CACNA1C: variants seen among roughly 807,000 people sequenced by gnomAD.
CACNA1C encodes voltage-dependent L-type calcium channel subunit alpha-1C.
A neutral mutation model predicts 229.0 loss-of-function variants in CACNA1C; 30 were observed. The ratio of observed to expected loss-of-function variants is 0.13; its 90% CI spans 0.10 to 0.18. CACNA1C has a LOEUF of 0.18. CACNA1C is among the 10% of genes least tolerant of loss of function. The probability of loss-of-function intolerance (pLI) is 1.00; values close to 1 mark genes in which losing one functional copy is unlikely to be tolerated. For synonymous variants in CACNA1C, 1,114 were observed against 1,132.5 expected, an observed-to-expected ratio of 0.98 and a Z score of 0.33; for missense variants, 1,658 against 2,845.0, an observed-to-expected ratio of 0.58 and a Z score of 9.49.
chr12:2,050,278 C>T (rs1017407386), upstream of CACNA1C, among the ~76,000 whole-genome samples: 1 of 152,214 alleles, frequency 6.6e-6, no homozygotes, highest in African/African-American at 2.4e-5. Flanking sequence ...TAAGTCCAGG[C>T]TCCACATTTA....
rs536653686 is a variant in CACNA1C, at chr12:2,107,506, C to T, written c.50-7718C>T. 7.7e-3 allele frequency among the ~76,000 whole-genome samples: 1,158 copies of T among 151,338 alleles called. 9 individuals carry two copies. The highest frequency in any genetic ancestry group is 0.026 in the African/African-American group (1,076 of 41,052). On this transcript the variant is annotated intron_variant, in intron 1 of 46. Transcript: ENST00000399655. The stretch of plus-strand genomic sequence containing the variant: ...CCACCTCAGCTGGGCGTCCTGAAGC[C>T]ACTGGGTGCTCACCCTGGAGAGGGT...
upstream of CACNA1C, among the ~76,000 whole-genome samples, chr12:2,051,528 T>C (rs1039084645): frequency 6.6e-6 from 1 of 152,138 alleles, no homozygotes; most frequent in African/African-American, 2.4e-5. Context: ...ACCAGGGGGA[T>C]CAGCCACAGG....
At chr12:2,355,936 G>C (rs750058410) in intron 3 of CACNA1C, among the ~76,000 whole-genome samples, 1 of 152,184 alleles carries the variant, frequency 6.6e-6, no homozygotes, top group African/African-American at 2.4e-5. Flanking sequence ...AGCTCCCAGA[G>C]GGCAGGACAC....
chr12:2,128,808 G>C (rs554690046), intron 3 of CACNA1C, among the ~76,000 whole-genome samples: 19 of 152,318 alleles, frequency 1.2e-4, no homozygotes, highest in Non-Finnish European at 2.6e-4. Context: ...TGTCCTAAGT[G>C]CCTTGCGTAT....
intron 9 of CACNA1C, among the ~76,000 whole-genome samples, chr12:2,542,438 C>T (rs1239618826): frequency 6.6e-6 from 1 of 152,210 alleles, no homozygotes; most frequent in East Asian, 1.9e-4. Context: ...GGCTTGTGTG[C>T]TCTGACATTG....
Position 2,191,648 on chromosome 12 carries a change from GCA to G in CACNA1C, c.477+71226_477+71227del, listed in dbSNP as rs371651697. On this transcript the variant is annotated intron_variant, in intron 3 of 46. Coordinates refer to ENST00000399655, the MANE Select transcript of CACNA1C (RefSeq NM_000719.7). ...CACTCACAGGCACACATGTAAACAG[GCA>G]CACACACGCACATGTACTCATACAG... Among the ~76,000 whole-genome samples, 528 of 148,086 alleles carry G rather than the reference GCA, an allele frequency of 3.6e-3. 1 individual carries two copies. Among genetic ancestry groups the G allele is most frequent in the African/African-American group, 0.012 (466 of 39,988 alleles).
At chr12:2,278,759 T>A (rs1233944475) in intron 3 of CACNA1C, among the ~76,000 whole-genome samples, 1 of 152,248 alleles carries the variant, frequency 6.6e-6, no homozygotes, top group African/African-American at 2.4e-5. Context: ...GGGAGTGGAA[T>A]GGTTACATCA....
intron 19 of CACNA1C, 131 bp downstream of exon 19, chr12:2,593,476 C>T (rs2066469029): frequency 2.4e-6 from 2 of 844,504 alleles, no homozygotes; most frequent in South Asian, 2.3e-5. Context: ...TATAAACAGG[C>T]ACTCATTTAG....
chr12:2,455,348 TTATAAG>T (rs146251618), intron 4 of CACNA1C, among the ~76,000 whole-genome samples: 21,587 of 152,090 alleles, frequency 0.14, 1,606 homozygotes, highest in South Asian at 0.2. Context: ...ATAATAATAA[TTATAAG>T]TATAAAACAT....
chr12:2,158,728 A>G (rs2095674608), intron 3 of CACNA1C, among the ~76,000 whole-genome samples: 1 of 152,184 alleles, frequency 6.6e-6, no homozygotes, highest in Non-Finnish European at 1.5e-5. Context: ...ACATTTTCAG[A>G]TAGGTAAAAA....
intron 3 of CACNA1C, among the ~76,000 whole-genome samples, chr12:2,385,582 A>G (rs1271885944): frequency 6.6e-6 from 1 of 152,064 alleles, no homozygotes; most frequent in Non-Finnish European, 1.5e-5. Flanking sequence ...GAAATTTGCA[A>G]CAGTCTCTTG....
intron 5 of CACNA1C, among the ~76,000 whole-genome samples, chr12:2,465,521 C>T (rs1185815285): frequency 6.6e-6 from 1 of 152,086 alleles, no homozygotes; most frequent in Non-Finnish European, 1.5e-5. Context: ...TCTCGGCCAG[C>T]ACATAGGTGT....
At position 2,106,489 on chromosome 12, in the gene CACNA1C, G is replaced by A. The variant is rs1168305004; in HGVS notation, c.50-8735G>A. ...CCTGAAGCCACTGGGAGCCCACCCC[G>A]GGGAGGGTTTCCACCTCAGCTGGGT... On this transcript the variant is annotated intron_variant, in intron 1 of 46. Coordinates refer to ENST00000399655, the MANE Select transcript of CACNA1C (RefSeq NM_000719.7). Among the ~76,000 whole-genome samples, 10 of 110,666 alleles carry A rather than the reference G, an allele frequency of 9.0e-5. 2 individuals carry two copies. Among genetic ancestry groups the A allele is most frequent in the African/African-American group, 3.4e-4 (10 of 29,034 alleles). The allele number at this position is 110,666 out of a possible 152,430, so 72.6% of individuals were successfully genotyped here. A position where few individuals can be genotyped will look rare whatever the true frequency, so the allele number is the denominator to read the frequency against.
chr12:2,039,978 A>G (rs902918141), intron 1 of CACNA1C, among the ~76,000 whole-genome samples: 1 of 152,036 alleles, frequency 6.6e-6, no homozygotes, highest in Non-Finnish European at 1.5e-5. Context: ...GCAGAGACCA[A>G]TGCATCTACT....
chr12:2,329,051 G>A (rs1010735083), intron 3 of CACNA1C, among the ~76,000 whole-genome samples: 9 of 152,150 alleles, frequency 5.9e-5, no homozygotes, highest in African/African-American at 2.2e-4. Context: ...AAAATTTGCT[G>A]TGGATGCCTC....
At chr12:2,296,085 T>C (rs16929221) in intron 3 of CACNA1C, among the ~76,000 whole-genome samples, 3,366 of 152,298 alleles carry the variant, frequency 0.022, 112 homozygotes, top group African/African-American at 0.077. Flanking sequence ...GAACGGATGA[T>C]TCATGCACTG....
intron 34 of CACNA1C, among the ~76,000 whole-genome samples, chr12:2,657,659 G>A (rs216050): frequency 1.3e-5 from 2 of 151,960 alleles, no homozygotes; most frequent in Non-Finnish European, 2.9e-5. Context: ...ACTTATTGAG[G>A]TAAAGTTCAC....
intron 38 of CACNA1C, 21 bp downstream of exon 38, chr12:2,669,056 T>C: frequency 2.0e-6 from 3 of 1,491,688 alleles, no homozygotes; most frequent in East Asian, 2.3e-5. Context: ...CCGTGGGCAC[T>C]GGGAGAGACA....
At chr12:2,164,135 AC>A (rs1410749089) in intron 3 of CACNA1C, among the ~76,000 whole-genome samples, 2 of 151,878 alleles carry the variant, frequency 1.3e-5, no homozygotes, top group African/African-American at 4.8e-5. Context: ...AATGTATGTG[AC>A]CTCATTGTTT....
Sources: allele counts gnomAD v4.1 joint callset (sites outside exome capture counted in the v4.1 genomes callset), GRCh38; gene constraint gnomAD v4.1.1; transcripts MANE v1.5; gene names NCBI Gene and HGNC (gene_info 2026-07-23, HGNC 2026-07-21).